Variants in GABRG3 observed in about 807,000 individuals in gnomAD.
GABRG3 encodes the protein gamma-aminobutyric acid type A receptor subunit gamma3.
A neutral mutation model predicts 48.8 loss-of-function variants in GABRG3; 25 were observed. That is an observed-to-expected ratio of 0.51 (90% CI 0.37 to 0.72). The LOEUF (loss-of-function observed/expected upper bound fraction) is 0.72, where lower values mean the gene tolerates loss of function less well. Among genes scored for constraint, GABRG3 ranks in the 30% least tolerant of loss-of-function variants. GABRG3 has a pLI of 0.00. For missense variants in GABRG3, 394 were observed against 577.9 expected (o/e 0.68, Z 3.26); for synonymous variants, 227 against 217.6 (o/e 1.04, Z -0.38).
At position 26,975,075 on chromosome 15, in the gene GABRG3, C is replaced by T. The variant is rs11263719; in HGVS notation, c.54-1927C>T. Reference sequence around the variant, plus strand: ...TATTTTTAGTAGAGACGGGGTTTCACCCTGTTGGCCAGGCTGGTCTGGAAC... The same window carrying T: ...TATTTTTAGTAGAGACGGGGTTTCATCCTGTTGGCCAGGCTGGTCTGGAAC... On this transcript the variant is annotated intron_variant, in intron 1 of 9. Transcript: ENST00000615808. This position sits in a 1 kb window ranked among gnomAD's most constrained non-coding sequence, Gnocchi z 4.6. 0.5 allele frequency among the ~76,000 whole-genome samples: 75,524 copies of T among 150,908 alleles called. 19,381 individuals carry two copies. The highest frequency in any genetic ancestry group is 0.63 in the African/African-American group (25,775 of 41,064).
At chr15:27,111,358 A>G (rs1317521408) in intron 3 of GABRG3, among the ~76,000 whole-genome samples, 1 of 152,104 alleles carries the variant, frequency 6.6e-6, no homozygotes, top group Admixed American at 6.5e-5. Context: ...ACTATTCCCA[A>G]CATTTCTGTC....
intron 3 of GABRG3, among the ~76,000 whole-genome samples, chr15:27,184,863 T>C (rs571958034): frequency 6.6e-6 from 1 of 152,308 alleles, no homozygotes; most frequent in Admixed American, 6.5e-5. Context: ...TTTTAATGGC[T>C]GCGAGAGGTG....
intron 3 of GABRG3, among the ~76,000 whole-genome samples, chr15:27,264,438 CTAA>C (rs1344381204): frequency 6.6e-6 from 1 of 152,046 alleles, no homozygotes; most frequent in Non-Finnish European, 1.5e-5. Context: ...CATTGTACTA[CTAA>C]TGTCCCTACA....
intron 6 of GABRG3, among the ~76,000 whole-genome samples, chr15:27,481,777 T>C (rs564056383): frequency 6.6e-6 from 1 of 152,334 alleles, no homozygotes; most frequent in South Asian, 2.1e-4. Flanking sequence ...AATGACGATG[T>C]TAAATAATGG....
At chr15:27,200,990 T>A (rs1053838496) in intron 3 of GABRG3, among the ~76,000 whole-genome samples, 2 of 152,162 alleles carry the variant, frequency 1.3e-5, no homozygotes, top group African/African-American at 4.8e-5. Context: ...TGTGTACAGA[T>A]ACTCAGCCTT....
chr15:27,176,144 A>G (rs1887738622), intron 3 of GABRG3, among the ~76,000 whole-genome samples: 1 of 152,208 alleles, frequency 6.6e-6, no homozygotes, highest in Admixed American at 6.5e-5. Flanking sequence ...GAGACCACAC[A>G]GCTTTTACTA....
At chr15:27,483,157 G>A (rs911738405) in intron 6 of GABRG3, 3 of 152,162 alleles carry the variant, frequency 2.0e-5, no homozygotes, top group Non-Finnish European at 2.9e-5. Flanking sequence ...CAGAAACAAC[G>A]TGTTGTCTCT....
intron 3 of GABRG3, among the ~76,000 whole-genome samples, chr15:27,216,750 T>TATTTATTTATTTATTTATTTA (rs58685578): frequency 7.9e-6 from 1 of 125,860 alleles, no homozygotes; most frequent in Non-Finnish European, 1.6e-5. Flanking sequence ...TTTTTTTATT[T>TATTTATTTATTTATTTATTTA]TTTATTTATT....
chr15:27,143,650 A>G (rs549433430), intron 3 of GABRG3, among the ~76,000 whole-genome samples: 1 of 152,214 alleles, frequency 6.6e-6, no homozygotes, highest in Non-Finnish European at 1.5e-5. Context: ...TATCCTTTCT[A>G]TAGACTTGAA....
chr15:27,045,715 A>G (rs1595491330), intron 3 of GABRG3, among the ~76,000 whole-genome samples: 1 of 152,164 alleles, frequency 6.6e-6, no homozygotes, highest in South Asian at 2.1e-4. Flanking sequence ...CAGTTTGCAC[A>G]CATTACCTCA....
intron 2 of GABRG3, among the ~76,000 whole-genome samples, chr15:27,005,790 C>A (rs1355499576): frequency 1.3e-5 from 2 of 152,172 alleles, no homozygotes; most frequent in Admixed American, 6.5e-5. Flanking sequence ...GCAAGTCTGA[C>A]CTAGATCAAG....
chr15:27,207,922 A>G (rs1311852252), intron 3 of GABRG3, among the ~76,000 whole-genome samples: 3 of 152,162 alleles, frequency 2.0e-5, no homozygotes, highest in Non-Finnish European at 4.4e-5. Flanking sequence ...GGGAGCAAGG[A>G]TGCCCTCCTT....
intron 2 of GABRG3, among the ~76,000 whole-genome samples, chr15:26,992,617 G>A (rs111328071): frequency 2.6e-4 from 39 of 152,190 alleles, no homozygotes; most frequent in African/African-American, 8.7e-4. Context: ...AATTCTGTTT[G>A]TTTGTATTTT....
At position 27,061,216 on chromosome 15, in the gene GABRG3, G is replaced by A. The variant is rs965360782; in HGVS notation, c.270+34395G>A. ...TTGAGAGTTTATTGTGTACTTTTAC[G>A]ACCATGGCCGTGTTCATCAGGCGTC... On this transcript the variant is annotated intron_variant, in intron 3 of 9. Transcript: ENST00000615808. Among the ~76,000 whole-genome samples the A allele has an allele frequency of 5.9e-5, 9 of 152,266 alleles. No homozygotes were observed. In the South Asian group the frequency reaches 8.3e-4, roughly 14 times the overall value.
chr15:27,385,845 T>A (rs1293792432), intron 5 of GABRG3, among the ~76,000 whole-genome samples: 1 of 152,172 alleles, frequency 6.6e-6, no homozygotes, highest in Non-Finnish European at 1.5e-5. Context: ...TTCTTTGTAG[T>A]CTTTGTCTGT....
At chr15:27,225,522 C>A (rs1018069765) in intron 3 of GABRG3, among the ~76,000 whole-genome samples, 1 of 152,056 alleles carries the variant, frequency 6.6e-6, no homozygotes, top group African/African-American at 2.4e-5. Flanking sequence ...GTTTTTCATT[C>A]CTGTCTGAAG....
Position 27,180,912 on chromosome 15 carries a change from T to G in GABRG3, c.271-145897T>G, listed in dbSNP as rs1384210418. On this transcript the variant is annotated intron_variant, in intron 3 of 9. Transcript: ENST00000615808. The surrounding 1 kb of genome is among the most constrained non-coding windows in gnomAD (Gnocchi z 4.2). ...TCTAACACAGGATTATCGTTCCAGT[T>G]TAGTATTTTAGGGTTGAAAACCCCT... Among the ~76,000 whole-genome samples, 1 of 152,034 alleles carries G rather than the reference T, an allele frequency of 6.6e-6. No homozygotes were observed. Among genetic ancestry groups the G allele is most frequent in the African/African-American group, 2.4e-5 (1 of 41,400 alleles).
intron 3 of GABRG3, among the ~76,000 whole-genome samples, chr15:27,309,220 C>CAT (rs78728861): frequency 0.59 from 89,300 of 150,626 alleles, 27,435 homozygotes; most frequent in African/African-American, 0.68. Flanking sequence ...TGTATAGAAA[C>CAT]ATAATGTAAA....
intron 5 of GABRG3, among the ~76,000 whole-genome samples, chr15:27,359,986 T>C (rs553115605): frequency 5.3e-5 from 8 of 152,208 alleles, no homozygotes; most frequent in Non-Finnish European, 1.0e-4. Context: ...CAACTACACA[T>C]TGAGCCCTGT....
Sources: allele counts gnomAD v4.1 joint callset (sites outside exome capture counted in the v4.1 genomes callset), GRCh38; gene constraint gnomAD v4.1.1; non-coding constraint Gnocchi (gnomAD v3.1); transcripts MANE v1.5; gene names NCBI Gene and HGNC (gene_info 2026-07-23, HGNC 2026-07-21).